The following DLGAP2 variants were observed in gnomAD, a reference collection of about 807,000 sequenced individuals.
The protein encoded by DLGAP2 is DLG associated protein 2.
Under a neutral mutation model 100.3 loss-of-function variants are expected in DLGAP2, and 26 were observed. The ratio of observed to expected loss-of-function variants is 0.26; its 90% CI spans 0.19 to 0.36. The LOEUF (loss-of-function observed/expected upper bound fraction) is 0.36. Ranked by LOEUF, DLGAP2 falls within the 10% of genes least tolerant of loss-of-function variation. DLGAP2 has a pLI of 1.00. For synonymous variants in DLGAP2, 886 were observed against 630.1 expected (o/e 1.41, Z -6.08); for missense variants, 1,858 against 1,453.2 (o/e 1.28, Z -4.53).
chr8:1,527,193 C>A (rs1800824012), intron 4 of DLGAP2, among the ~76,000 whole-genome samples: 1 of 152,238 alleles, frequency 6.6e-6, no homozygotes, highest in Non-Finnish European at 1.5e-5. Flanking sequence ...ATGGTGTGCA[C>A]CTCGTCCTCT....
chr8:1,002,270 A>G (rs1427294618), intron 2 of DLGAP2: 2 of 152,176 alleles, frequency 1.3e-5, no homozygotes, highest in African/African-American at 4.8e-5. Context: ...TTCAACGAAC[A>G]TCTCCAGGAC....
rs970096353 is a variant in DLGAP2 at position 981,178 on chromosome 8, C to A, written c.73+73212C>A. ...GTAAGTGAGATCATACGGCATTTGT[C>A]CTTTGGTGCCTGGCTTATTTCACTT... On this transcript the variant is annotated intron_variant, in intron 2 of 14. Coordinates refer to ENST00000637795, the MANE Select transcript of DLGAP2 (RefSeq NM_001346810.2). 2.6e-5 allele frequency among the ~76,000 whole-genome samples: 4 copies of A among 152,118 alleles called. No individual in the cohort carries two copies. The South Asian group carries it at 8.3e-4, about 32-fold the overall frequency.
intron 2 of DLGAP2, among the ~76,000 whole-genome samples, chr8:1,111,112 T>G (rs1804943232): frequency 6.6e-6 from 1 of 152,202 alleles, no homozygotes; most frequent in Non-Finnish European, 1.5e-5. Context: ...TTCCTCCGCC[T>G]TACCAAGCCC....
At chr8:969,354 C>T (rs1372099578) in intron 2 of DLGAP2, among the ~76,000 whole-genome samples, 1 of 152,120 alleles carries the variant, frequency 6.6e-6, no homozygotes, top group South Asian at 2.1e-4. Flanking sequence ...CCTCCATGCG[C>T]GAGTGAGCCA....
At chr8:1,676,437 G>C in intron 10 of DLGAP2, 96 bp from the exon 11 acceptor site, 1 of 1,304,082 alleles carries the variant, frequency 7.7e-7, no homozygotes, top group Non-Finnish European at 1.1e-6. Flanking sequence ...AAACAAATGC[G>C]TAATTAATTA....
intron 1 of DLGAP2, among the ~76,000 whole-genome samples, chr8:772,433 C>G (rs1446415059): frequency 6.6e-6 from 1 of 152,124 alleles, no homozygotes; most frequent in Non-Finnish European, 1.5e-5. Flanking sequence ...AGTGATGCCC[C>G]AGCTGCAACC....
chr8:1,076,862 G>C (rs562498528), intron 2 of DLGAP2, among the ~76,000 whole-genome samples: 1 of 148,528 alleles, frequency 6.7e-6, no homozygotes, highest in South Asian at 2.2e-4. Context: ...GTCTGTCCTG[G>C]GCCCCCCCAA....
intron 8 of DLGAP2, among the ~76,000 whole-genome samples, chr8:1,653,421 C>G (rs1798212252): frequency 2.6e-5 from 4 of 152,214 alleles, no homozygotes; most frequent in African/African-American, 4.8e-5. Flanking sequence ...CCATCCCACA[C>G]CCTCACTGCT....
intron 2 of DLGAP2, among the ~76,000 whole-genome samples, chr8:1,222,461 G>A (rs1466019239): frequency 3.3e-5 from 5 of 152,142 alleles, no homozygotes; most frequent in Admixed American, 2.6e-4. Context: ...GTGCTGGAGG[G>A]GCCAAGGTGT....
At chr8:1,554,808 C>T (rs1219677396) in intron 5 of DLGAP2, among the ~76,000 whole-genome samples, 1 of 152,024 alleles carries the variant, frequency 6.6e-6, no homozygotes, top group Admixed American at 6.5e-5. Flanking sequence ...CACGGTATCC[C>T]CACCAGTTCA....
rs1267809835 is a variant in DLGAP2 at position 1,571,652 on chromosome 8, G to C, written c.1442+5758G>C. ...GGTGAACTATGGGGGCATCTGATGA[G>C]ATGGAGAGAGAGAAGGGTGAACTGT... On this transcript the variant is annotated intron_variant, in intron 6 of 14. Coordinates refer to ENST00000637795, the MANE Select transcript of DLGAP2 (RefSeq NM_001346810.2). Among the ~76,000 whole-genome samples the C allele has an allele frequency of 2.9e-5, 4 of 135,858 alleles. No individual in the cohort carries two copies. In the Admixed American group the frequency reaches 3.0e-4, roughly 10 times the overall value. The allele number at this position is 135,858 out of a possible 152,430, so 89.1% of individuals were successfully genotyped here.
intron 4 of DLGAP2, among the ~76,000 whole-genome samples, chr8:1,532,001 A>G (rs1801003533): frequency 1.3e-5 from 2 of 152,216 alleles, no homozygotes; most frequent in African/African-American, 4.8e-5. Context: ...CGTAAGAAGT[A>G]CACTGGTTCC....
intron 3 of DLGAP2, among the ~76,000 whole-genome samples, chr8:1,307,372 G>C (rs73539534): frequency 0.042 from 6,387 of 152,218 alleles, 468 homozygotes; most frequent in African/African-American, 0.15. Flanking sequence ...GAAAAGAACA[G>C]GTGTTGGCAA....
At chr8:886,104 A>G (rs1228020947) in intron 1 of DLGAP2, among the ~76,000 whole-genome samples, 1 of 152,140 alleles carries the variant, frequency 6.6e-6, no homozygotes, top group African/African-American at 2.4e-5. Context: ...TCAGGGATTC[A>G]ATTTCTCCCT....
At chr8:1,599,289 G>T (rs983470154) in intron 6 of DLGAP2, among the ~76,000 whole-genome samples, 1 of 152,220 alleles carries the variant, frequency 6.6e-6, no homozygotes, top group African/African-American at 2.4e-5. Context: ...CCAATTATGT[G>T]GTCAGTTTTG....
chr8:1,647,658 G>T (rs904077510), intron 8 of DLGAP2, among the ~76,000 whole-genome samples: 1 of 152,096 alleles, frequency 6.6e-6, no homozygotes, highest in African/African-American at 2.4e-5. Flanking sequence ...TCACTGAAGA[G>T]TTCTTGCAAT....
chr8:1,507,544 G>A (rs1297262383), intron 4 of DLGAP2, among the ~76,000 whole-genome samples: 3 of 152,054 alleles, frequency 2.0e-5, no homozygotes, highest in Admixed American at 6.5e-5. Context: ...AGCCGGCTCC[G>A]GCCTCGGCCA....
intron 3 of DLGAP2, among the ~76,000 whole-genome samples, chr8:1,491,479 G>C (rs1799387468): frequency 2.0e-5 from 3 of 152,096 alleles, no homozygotes; most frequent in Admixed American, 1.3e-4. Flanking sequence ...AGATTTGAAG[G>C]CCACATTTTT....
chr8:1,222,290 G>T (rs1798330422), intron 2 of DLGAP2, among the ~76,000 whole-genome samples: 1 of 152,178 alleles, frequency 6.6e-6, no homozygotes, highest in South Asian at 2.1e-4. Context: ...TTGCGAGTTT[G>T]ACTGTGGTAT....
Sources: allele counts gnomAD v4.1 joint callset (sites outside exome capture counted in the v4.1 genomes callset), GRCh38; gene constraint gnomAD v4.1.1; transcripts MANE v1.5; gene names NCBI Gene and HGNC (gene_info 2026-07-23, HGNC 2026-07-21).